RPH3A: variants seen among roughly 807,000 people sequenced by gnomAD.
RPH3A encodes the protein rabphilin 3A, also known as rabphilin-3A.
In RPH3A, 48 loss-of-function variants were observed where a neutral mutation model predicts 102.2. The ratio of observed to expected loss-of-function variants is 0.47; its 90% CI spans 0.37 to 0.60. RPH3A has a LOEUF of 0.60. Among genes scored for constraint, RPH3A ranks in the 20% least tolerant of loss-of-function variants. The probability of loss-of-function intolerance (pLI) is 0.00; values close to 1 mark genes in which losing one functional copy is unlikely to be tolerated. For synonymous variants in RPH3A, 310 were observed against 324.3 expected (o/e 0.96, Z 0.47); for missense variants, 781 against 910.1 (o/e 0.86, Z 1.83).
chr12:112,674,313 C>T (rs1310059918), intron 1 of RPH3A, among the ~76,000 whole-genome samples: 1 of 152,122 alleles, frequency 6.6e-6, no homozygotes, highest in Non-Finnish European at 1.5e-5. Context: ...GGCTCAGAGA[C>T]TCAGAGCGGC....
At chr12:112,676,857 A>C (rs2040178466) in intron 1 of RPH3A, among the ~76,000 whole-genome samples, 1 of 152,122 alleles carries the variant, frequency 6.6e-6, no homozygotes, top group Non-Finnish European at 1.5e-5. Flanking sequence ...ACAGAAAGAG[A>C]AGCAGCTGGA....
At chr12:112,582,665 T>C (rs2039408799) in intron 1 of RPH3A, among the ~76,000 whole-genome samples, 1 of 148,214 alleles carries the variant, frequency 6.7e-6, no homozygotes, top group Non-Finnish European at 1.5e-5. Context: ...TTTCACTATG[T>C]TGCCCAAGCT....
intron 1 of RPH3A, among the ~76,000 whole-genome samples, chr12:112,669,006 T>C (rs1271635802): frequency 6.6e-6 from 1 of 152,146 alleles, no homozygotes; most frequent in Non-Finnish European, 1.5e-5. Flanking sequence ...TGAATAAGAC[T>C]CCTTCTCTTT....
At chr12:112,821,455 A>G (rs906291516) in intron 2 of RPH3A, among the ~76,000 whole-genome samples, 4 of 145,734 alleles carry the variant, frequency 2.7e-5, no homozygotes, top group Non-Finnish European at 4.5e-5. Flanking sequence ...TGCTCTCTTT[A>G]CTCCAACCAC....
intron 1 of RPH3A, among the ~76,000 whole-genome samples, chr12:112,694,250 G>A (rs922769220): frequency 1.3e-5 from 2 of 152,178 alleles, no homozygotes; most frequent in African/African-American, 2.4e-5. Context: ...AGAATTTGGT[G>A]GAATTTGGTG....
intron 1 of RPH3A, among the ~76,000 whole-genome samples, chr12:112,765,591 A>G (rs1447265908): frequency 6.6e-6 from 1 of 152,144 alleles, no homozygotes; most frequent in Non-Finnish European, 1.5e-5. Context: ...TGATTTCCTT[A>G]TCTGTAAAAT....
chr12:112,858,285 A>G lies in RPH3A; in HGVS notation c.231-7129A>G, dbSNP rs1413972938. Among the ~76,000 whole-genome samples the G allele has an allele frequency of 8.0e-5, 12 of 150,522 alleles. No individual in the cohort carries two copies. In the East Asian group the frequency reaches 9.7e-4, roughly 12 times the overall value. ...CTGTCTCAAAAAAAAAAAAAAAAAA[A>G]AAAAAAAAAGAAAAGAAAAGAAAAA... On this transcript the variant is annotated intron_variant, in intron 5 of 21. Transcript: ENST00000389385.
intron 7 of RPH3A, among the ~76,000 whole-genome samples, chr12:112,867,584 C>G (rs921799980): frequency 6.6e-5 from 10 of 152,124 alleles, no homozygotes; most frequent in Admixed American, 6.5e-4. Flanking sequence ...GTCACCCTAG[C>G]ACCAGCAAAA....
intron 1 of RPH3A, among the ~76,000 whole-genome samples, chr12:112,761,155 T>A (rs2040852740): frequency 6.6e-6 from 1 of 152,210 alleles, no homozygotes; most frequent in African/African-American, 2.4e-5. Context: ...ATCTCTTTTA[T>A]CCTGCTTTCT....
At chr12:112,669,090 T>C (rs188925838) in intron 1 of RPH3A, among the ~76,000 whole-genome samples, 56 of 152,284 alleles carry the variant, frequency 3.7e-4, no homozygotes, top group Admixed American at 1.6e-3. Context: ...TGGGTAAGGT[T>C]GTGTAGGTTG....
chr12:112,641,563 A>C (rs773131015), intron 1 of RPH3A, among the ~76,000 whole-genome samples: 4 of 151,948 alleles, frequency 2.6e-5, no homozygotes, highest in Non-Finnish European at 4.4e-5. Flanking sequence ...CACCTGGCTA[A>C]TTTTTGTATT....
chr12:112,883,407 C>T lies in RPH3A; in HGVS notation c.1436+5C>T. 6.2e-7 allele frequency: 1 copy of T among 1,609,998 alleles called. No homozygotes were observed. Among genetic ancestry groups the T allele is most frequent in the Non-Finnish European group, 8.5e-7 (1 of 1,176,648 alleles). On this transcript the variant is annotated splice_donor_5th_base_variant and intron_variant, in intron 16 of 21. Transcript: ENST00000389385. ...CATGCAAAGGAAGACCCTCAGGTAC[C>T]TGGCAGGCAGAGGGCAGAGAGGGAG...
At chr12:112,752,584 G>A (rs1324477541) in intron 1 of RPH3A, among the ~76,000 whole-genome samples, 3 of 131,000 alleles carry the variant, frequency 2.3e-5, no homozygotes, top group Admixed American at 8.1e-5. Context: ...CGTTATATGA[G>A]CAGGCAAGTC....
intron 1 of RPH3A, among the ~76,000 whole-genome samples, chr12:112,783,617 T>G (rs1364093325): frequency 6.6e-6 from 1 of 152,214 alleles, no homozygotes; most frequent in African/African-American, 2.4e-5. Flanking sequence ...ACCTACTATG[T>G]GCCAAGCCCT....
At chr12:112,650,015 C>T (rs952776638) in intron 1 of RPH3A, among the ~76,000 whole-genome samples, 4 of 152,216 alleles carry the variant, frequency 2.6e-5, no homozygotes, top group African/African-American at 9.6e-5. Context: ...GGGACTTCAA[C>T]ATGTGAATTT....
At chr12:112,660,084 A>G (rs561306044) in intron 1 of RPH3A, among the ~76,000 whole-genome samples, 38 of 152,326 alleles carry the variant, frequency 2.5e-4, no homozygotes, top group African/African-American at 8.7e-4. Flanking sequence ...ATATATAAGC[A>G]CACATACATA....
chr12:112,859,427 G>C (rs1388529482), intron 5 of RPH3A, among the ~76,000 whole-genome samples: 3 of 152,192 alleles, frequency 2.0e-5, no homozygotes, highest in Non-Finnish European at 4.4e-5. Context: ...AGAAAGTATA[G>C]AGGAGTCCAG....
intron 13 of RPH3A, among the ~76,000 whole-genome samples, chr12:112,878,273 C>T (rs371376576): frequency 2.6e-5 from 4 of 152,178 alleles, no homozygotes; most frequent in African/African-American, 7.2e-5. Context: ...CTCCTTCCAT[C>T]GGCCTTAAAT....
chr12:112,787,983 G>A (rs1023019445), upstream of RPH3A, among the ~76,000 whole-genome samples: 13 of 152,236 alleles, frequency 8.5e-5, no homozygotes, highest in Admixed American at 6.5e-4. Flanking sequence ...ATGAAGCCTC[G>A]AGAGAGTCAG....
Sources: allele counts gnomAD v4.1 joint callset (sites outside exome capture counted in the v4.1 genomes callset), GRCh38; gene constraint gnomAD v4.1.1; transcripts MANE v1.5; gene names NCBI Gene and HGNC (gene_info 2026-07-23, HGNC 2026-07-21).